The following HABP4 variants were observed in gnomAD, a reference collection of about 807,000 sequenced individuals.
The protein encoded by HABP4 is hyaluronan binding protein 4.
A neutral mutation model predicts 44.1 loss-of-function variants in HABP4; 32 were observed. The ratio of observed to expected loss-of-function variants is 0.73; its 90% CI spans 0.55 to 0.97. HABP4 has a LOEUF of 0.97. Ranked by LOEUF, HABP4 falls within the 50% of genes least tolerant of loss-of-function variation. The pLI is 0.00. For missense variants in HABP4, 503 were observed against 561.9 expected (o/e 0.90, Z 1.06); for synonymous variants, 216 against 218.0 (o/e 0.99, Z 0.08).
At chr9:96,463,308 G>A (rs1832538625) in intron 2 of HABP4, among the ~76,000 whole-genome samples, 1 of 152,096 alleles carries the variant, frequency 6.6e-6, no homozygotes. Context: ...GGGCTGGAGT[G>A]CAGTGGTGCC....
chr9:96,455,175 G>A (rs1310805635), intron 1 of HABP4, among the ~76,000 whole-genome samples: 2 of 152,122 alleles, frequency 1.3e-5, no homozygotes, highest in Non-Finnish European at 2.9e-5. Context: ...ACTCTGCTGG[G>A]TGCAGTGGCT....
At chr9:96,455,827 G>T (rs1034362611) in intron 1 of HABP4, among the ~76,000 whole-genome samples, 2 of 151,110 alleles carry the variant, frequency 1.3e-5, no homozygotes. Flanking sequence ...GGCCGAGACC[G>T]GTGGATCACT....
intron 1 of HABP4, among the ~76,000 whole-genome samples, chr9:96,458,162 T>C (rs1373770434): frequency 6.6e-6 from 1 of 152,214 alleles, no homozygotes; most frequent in Non-Finnish European, 1.5e-5. Context: ...TTCTAGGATA[T>C]AGGGAAAGCA....
At position 96,490,548 on chromosome 9, in the gene HABP4, G is replaced by A. The variant is rs1191980721; in HGVS notation, c.*510G>A. On this transcript the variant is annotated 3_prime_UTR_variant, in exon 8 of 8. Transcript: ENST00000375249. ...TATCTTCTCTCCTGGAATATTTTGA[G>A]TTCTGGTTTTCACTTAACCAATCAT... is the stretch of plus-strand genomic sequence containing the variant. 1 of 152,522 alleles carries A rather than the reference G, an allele frequency of 6.6e-6. No homozygotes were observed. The highest frequency in any genetic ancestry group is 1.5e-5 in the Non-Finnish European group (1 of 68,296). The allele number at this position is 152,522 out of a possible 1,614,324, so 9.4% of individuals were successfully genotyped here.
chr9:96,472,200 C>T lies in HABP4; in HGVS notation c.827+1106C>T, dbSNP rs552531965. 3.3e-5 allele frequency among the ~76,000 whole-genome samples: 5 copies of T among 152,270 alleles called. No homozygotes were observed. In the South Asian group the frequency reaches 1.0e-3, roughly 32 times the overall value. Reference sequence around the variant, plus strand: ...GACTCCACTATCTGCCTTCTCTCTGCCTGTTCCCACAAGCTGAGCACTACA... The same window carrying T: ...GACTCCACTATCTGCCTTCTCTCTGTCTGTTCCCACAAGCTGAGCACTACA... On this transcript the variant is annotated intron_variant, in intron 5 of 7. Coordinates refer to ENST00000375249, the MANE Select transcript of HABP4 (RefSeq NM_014282.4).
chr9:96,452,101 C>A (rs1040496393), intron 1 of HABP4, among the ~76,000 whole-genome samples: 1 of 151,888 alleles, frequency 6.6e-6, no homozygotes, highest in African/African-American at 2.4e-5. Flanking sequence ...GTGGCGGGCA[C>A]CTGTAGGTCC....
At chr9:96,465,056 C>A (rs1294682891) in intron 2 of HABP4, among the ~76,000 whole-genome samples, 1 of 152,132 alleles carries the variant, frequency 6.6e-6, no homozygotes, top group African/African-American at 2.4e-5. Flanking sequence ...TGGACTGGCC[C>A]CACCACTTAG....
intron 1 of HABP4, among the ~76,000 whole-genome samples, chr9:96,453,745 A>G (rs970103330): frequency 6.6e-6 from 1 of 152,228 alleles, no homozygotes; most frequent in African/African-American, 2.4e-5. Context: ...TTAGATGATG[A>G]TGAATGCATG....
intron 5 of HABP4, 47 bp from the exon 6 acceptor site, chr9:96,484,415 T>G (rs560996135): frequency 1.2e-6 from 1 of 842,410 alleles, no homozygotes; most frequent in Non-Finnish European, 1.9e-6. Context: ...AGTAGACATT[T>G]TAGTACCATC....
chr9:96,461,729 G>A lies in HABP4; in HGVS notation c.512+3188G>A, dbSNP rs562212604. Reference sequence around the variant, plus strand: ...GAGGGCTGAATTTAGATAATCTTTCGAGATTATAAAGATTCTATAATTCTG... The same window carrying A: ...GAGGGCTGAATTTAGATAATCTTTCAAGATTATAAAGATTCTATAATTCTG... On this transcript the variant is annotated intron_variant, in intron 2 of 7. Transcript: ENST00000375249. Among the ~76,000 whole-genome samples, 132 of 152,016 alleles carry A rather than the reference G, an allele frequency of 8.7e-4. 3 individuals are homozygous for A. Among genetic ancestry groups the A allele is most frequent in the Admixed American group, 7.2e-4 (11 of 15,268 alleles).
intron 2 of HABP4, among the ~76,000 whole-genome samples, chr9:96,464,110 GGAA>G: frequency 6.6e-6 from 1 of 152,336 alleles, no homozygotes; most frequent in Admixed American, 6.5e-5. Context: ...ATGTGGCAGA[GGAA>G]GAAGAGGGAG....
intron 6 of HABP4, among the ~76,000 whole-genome samples, chr9:96,485,239 C>T (rs369889816): frequency 6.6e-6 from 1 of 152,212 alleles, no homozygotes; most frequent in Admixed American, 6.5e-5. Context: ...TTAGTAGAGA[C>T]GGGGCTTTTC....
chr9:96,468,755 CTTAA>C (rs1375946943), intron 4 of HABP4, among the ~76,000 whole-genome samples: 6 of 152,142 alleles, frequency 3.9e-5, no homozygotes, highest in African/African-American at 1.4e-4. Context: ...AGACTAATTT[CTTAA>C]TTAATAAATA....
chr9:96,472,800 A>G (rs1478641183), intron 5 of HABP4, among the ~76,000 whole-genome samples: 2 of 151,982 alleles, frequency 1.3e-5, no homozygotes, highest in East Asian at 3.9e-4. Flanking sequence ...CCCTCCACTT[A>G]TTCCTCCCTT....
chr9:96,452,924 T>G (rs1192652811), intron 1 of HABP4, among the ~76,000 whole-genome samples: 2 of 143,986 alleles, frequency 1.4e-5, no homozygotes, highest in Admixed American at 6.9e-5. Flanking sequence ...TTTTTTTTTT[T>G]TTTTTTTTTT....
intron 7 of HABP4, 49 bp from the exon 8 acceptor site, chr9:96,489,933 G>A: frequency 8.8e-7 from 1 of 1,136,714 alleles, no homozygotes; most frequent in Non-Finnish European, 1.3e-6. Context: ...GGGATATCGG[G>A]AATGGATGAA....
chr9:96,468,767 A>T (rs561753652), intron 4 of HABP4, among the ~76,000 whole-genome samples: 279 of 152,392 alleles, frequency 1.8e-3, no homozygotes, highest in African/African-American at 6.6e-3. Flanking sequence ...TAATTAATAA[A>T]TAGAGATAAA....
At chr9:96,465,537 G>A in intron 3 of HABP4, 39 bp downstream of exon 3, 1 of 1,350,460 alleles carries the variant, frequency 7.4e-7, no homozygotes, top group Non-Finnish European at 1.1e-6. Flanking sequence ...CTTTAAGATG[G>A]TGTCAGCACG....
chr9:96,477,844 C>G (rs1042897256), intron 5 of HABP4, among the ~76,000 whole-genome samples: 13 of 152,184 alleles, frequency 8.5e-5, no homozygotes, highest in African/African-American at 3.1e-4. Context: ...TCCTGGCGTT[C>G]CTTTGTAGGC....
Sources: allele counts gnomAD v4.1 joint callset (sites outside exome capture counted in the v4.1 genomes callset), GRCh38; gene constraint gnomAD v4.1.1; transcripts MANE v1.5; gene names NCBI Gene and HGNC (gene_info 2026-07-23, HGNC 2026-07-21).